TLN1: variants seen among roughly 807,000 people sequenced by gnomAD.
TLN1 encodes talin-1.
In TLN1, 56 loss-of-function variants were observed where a neutral mutation model predicts 292.3. The ratio of observed to expected loss-of-function variants is 0.19; its 90% confidence interval spans 0.15 to 0.24. The LOEUF (loss-of-function observed/expected upper bound fraction) is 0.24, where lower values mean the gene tolerates loss of function less well. Among genes scored for constraint, TLN1 ranks in the 10% least tolerant of loss-of-function variants. The pLI is 1.00. For synonymous variants in TLN1, 1,119 were observed against 1,253.7 expected (o/e 0.89, Z 2.27); for missense variants, 2,433 against 3,248.2 (o/e 0.75, Z 6.10).
rs951788288 is a variant in TLN1, at chr9:35,699,895, A to C, written c.6768+79T>G. ...GGGAGGAGATCTGAGCAAAACAGACAGCAGGGTGCGAGGCCTGCAGGAAGA... is the reference window on the plus strand; with the variant it reads ...GGGAGGAGATCTGAGCAAAACAGACCGCAGGGTGCGAGGCCTGCAGGAAGA... On this transcript the variant is annotated intron_variant, in intron 50 of 56. Transcript: ENST00000314888. The surrounding 1 kb of genome is among the most constrained non-coding windows in gnomAD (Gnocchi z 4.0). 7.1e-7 allele frequency: 1 copy of C among 1,417,614 alleles called. No individual in the cohort carries two copies. Among genetic ancestry groups the C allele is most frequent in the Admixed American group, 2.0e-5 (1 of 49,526 alleles). 87.8% of individuals were successfully genotyped at this position (1,417,614 alleles called of 1,614,324 possible).
In TLN1 at chr9:35,716,546, C is replaced by T. The variant is rs1452351849; in HGVS notation, c.2469G>A (p.Val823=). The T allele has an allele frequency of 6.2e-7, 1 of 1,613,988 alleles. No homozygotes were observed. The highest frequency in any genetic ancestry group is 1.1e-5 in the South Asian group (1 of 91,060). Residue 823 remains valine (V), a synonymous_variant, in exon 20 of 57, where the codon GTG becomes GTA. Coordinates refer to ENST00000314888, the MANE Select transcript of TLN1 (RefSeq NM_006289.4). ...FSSMGDAGEM[V]RQARILAQAT... Reference sequence around the variant, plus strand: ...CTTGGGCCAGGATGCGGGCCTGTCGCACCATCTCCCCTGAGAGCATAGGGC... The same window carrying T: ...CTTGGGCCAGGATGCGGGCCTGTCGTACCATCTCCCCTGAGAGCATAGGGC...
At chr9:35,725,478 C>A in intron 2 of TLN1, 87 bp downstream of exon 2, 2 of 1,572,448 alleles carry the variant, frequency 1.3e-6, no homozygotes, top group Non-Finnish European at 1.7e-6. Flanking sequence ...TCTTAGGGGA[C>A]AAAGGGGTCA....
rs192509639 is a variant in TLN1, at chr9:35,725,591, C to T, written c.104G>A (p.Arg35Gln). 5 of 1,613,498 alleles carry T rather than the reference C, an allele frequency of 3.1e-6. No homozygotes were observed. Among genetic ancestry groups the T allele is most frequent in the South Asian group, 2.2e-5 (2 of 91,052 alleles). ...AGGACCAGCTGGGGCCTCTGGGATCCGCTCACGAATGATGCGGCAGGCGTC... is the reference window on the plus strand; with the variant it reads ...AGGACCAGCTGGGGCCTCTGGGATCTGCTCACGAATGATGCGGCAGGCGTC... ...VYDACRIIRE[R>Q]IPEAPAGPPS... Residue 35 changes from arginine to glutamine, a missense_variant, in exon 2 of 57, where the codon CGG (arginine) becomes CAG (glutamine). Physicochemically the swap from Arg to Gln is conservative, Grantham distance 43 (BLOSUM62 1). Coordinates refer to ENST00000314888, the MANE Select transcript of TLN1 (RefSeq NM_006289.4).
Position 35,707,093 on chromosome 9 carries a change from T to C in TLN1, c.4934A>G (p.Lys1645Arg). 1.2e-6 allele frequency: 2 copies of C among 1,612,702 alleles called. No individual in the cohort carries two copies. Among genetic ancestry groups the C allele is most frequent in the South Asian group, 1.1e-5 (1 of 90,952 alleles). Reference sequence around the variant, plus strand: ...ATACCTCATGCTTGTAATTAGCTTCTTGATGGAGTCTGAGACAGTACGGGA... The same window carrying C: ...ATACCTCATGCTTGTAATTAGCTTCCTGATGGAGTCTGAGACAGTACGGGA... ...GHSRTVSDSI[K>R]KLITSMRDKA... Residue 1645 changes from lysine (K) to arginine (R), a missense_variant, in exon 37 of 57, where the codon AAG becomes AGG. Lys to Arg is a conservative substitution (Grantham distance 26, BLOSUM62 2). Transcript: ENST00000314888. The surrounding 1 kb of genome is among the most constrained non-coding windows in gnomAD (Gnocchi z 5.6).
In TLN1 at chr9:35,717,824, G is replaced by A. The variant is rs1226889722; in HGVS notation, c.1996-38C>T. The stretch of plus-strand genomic sequence containing the variant: ...AGCAGTTAGCATGACCTGAGATTGG[G>A]CTTGGGATTCACAGACACTTCTCAG... On this transcript the variant is annotated intron_variant, in intron 17 of 56. Transcript: ENST00000314888. This position sits in a 1 kb window ranked among gnomAD's most constrained non-coding sequence, Gnocchi z 4.7. 5 of 1,575,746 alleles carry A rather than the reference G, an allele frequency of 3.2e-6. No individual in the cohort carries two copies. In the East Asian group the frequency reaches 9.1e-5, roughly 29 times the overall value.
chr9:35,711,206 C>G (rs765006486), intron 30 of TLN1, 49 bp downstream of exon 30: 1 of 1,611,862 alleles, frequency 6.2e-7, no homozygotes, highest in Non-Finnish European at 8.5e-7. Context: ...TGCCTGCTCC[C>G]CAGTCTCTCT....
chr9:35,700,160 TG>T (rs768271086), intron 49 of TLN1, 30 bp downstream of exon 49: 8 of 1,592,326 alleles, frequency 5.0e-6, no homozygotes, highest in Non-Finnish European at 6.9e-6. Context: ...GGCCCAAAGC[TG>T]CCTCACGGAA....
chr9:35,716,317 T>G, intron 20 of TLN1, 73 bp downstream of exon 20: 5 of 1,551,190 alleles, frequency 3.2e-6, no homozygotes, highest in Non-Finnish European at 4.4e-6. Flanking sequence ...CCTCATCAGA[T>G]GAGGGTGACC....
chr9:35,726,058 G>A lies in TLN1; in HGVS notation c.-33-331C>T, dbSNP rs1012370415. Reference sequence around the variant, plus strand: ...CTCCCCAGTAGCTGGGACTACAGGCGCCCGCTGCCATGCCTGGCTAATTTT... The same window carrying A: ...CTCCCCAGTAGCTGGGACTACAGGCACCCGCTGCCATGCCTGGCTAATTTT... On this transcript the variant is annotated intron_variant, in intron 1 of 56. Coordinates refer to ENST00000314888, the MANE Select transcript of TLN1 (RefSeq NM_006289.4). Among the ~76,000 whole-genome samples, 32 of 152,188 alleles carry A rather than the reference G, an allele frequency of 2.1e-4. 1 individual carries two copies. In the East Asian group the frequency reaches 2.1e-3, roughly 10 times the overall value.
Position 35,698,054 on chromosome 9 carries a change from C to A in TLN1, c.7490G>T (p.Gly2497Val), listed in dbSNP as rs769461396. 1 of 1,614,114 alleles carries A rather than the reference C, an allele frequency of 6.2e-7. No individual in the cohort carries two copies. Among genetic ancestry groups the A allele is most frequent in the Admixed American group, 1.7e-5 (1 of 60,022 alleles). The change falls in exon 56 of 57, where the codon GGC becomes GTC. Residue 2497 changes from glycine (G) to valine (V), a missense_variant. By Grantham distance (109) the Gly-to-Val change is moderately radical. Around this residue, in one of 7 missense-constraint regions of TLN1, gnomAD observed 141 missense variants for 248.5 expected, o/e 0.57. Transcript: ENST00000314888. The surrounding 1 kb of genome is among the most constrained non-coding windows in gnomAD (Gnocchi z 5.3). ...TGGGGTGAAGCTCACCTGGGCAATG[C>A]CGCCAACCATCTTCTCTTTCACCAC... Reference protein sequence around the residue: ...TVVVKEKMVGGIAQIIAAQEE... With the variant: ...TVVVKEKMVGVIAQIIAAQEE...
Position 35,705,576 on chromosome 9 carries a change from G to A in TLN1, c.5708C>T (p.Ala1903Val), listed in dbSNP as rs762726209. Residue 1903 changes from alanine (A) to valine (V), a missense_variant, in exon 43 of 57, where the codon GCA becomes GTA. Ala to Val is a moderately conservative substitution (Grantham distance 64, BLOSUM62 0). Transcript: ENST00000314888. Reference protein sequence around the residue: ...YGRLASEAKPAAVAAENEEIG... With the variant: ...YGRLASEAKPVAVAAENEEIG... ...CTCTTCATTTTCAGCAGCCACCGCT[G>A]CAGGCTTGGCCTCCGAGGCCAGACG... is the stretch of plus-strand genomic sequence containing the variant. 6 of 1,601,162 alleles carry A rather than the reference G, an allele frequency of 3.7e-6. No homozygotes were observed. Among genetic ancestry groups the A allele is most frequent in the Non-Finnish European group, 5.1e-6 (6 of 1,171,226 alleles).
chr9:35,708,013 C>CA, intron 34 of TLN1, 121 bp from the exon 35 acceptor site: 1 of 1,185,666 alleles, frequency 8.4e-7, no homozygotes. Context: ...ACAGGAATAA[C>CA]AGAGTCACCT....
intron 10 of TLN1, 48 bp downstream of exon 10, chr9:35,721,600 T>C: frequency 6.3e-7 from 1 of 1,590,962 alleles, no homozygotes; most frequent in Non-Finnish European, 8.6e-7. Context: ...CAGCTGCCCC[T>C]TTAATGAAAC....
chr9:35,711,538 GCCT>G (rs1825667739), intron 29 of TLN1, 54 bp downstream of exon 29: 1 of 1,610,654 alleles, frequency 6.2e-7, no homozygotes, highest in African/African-American at 1.3e-5. Context: ...TCACTCAACT[GCCT>G]CCTATCTAAC....
chr9:35,722,784 A>T lies in TLN1; in HGVS notation c.843+77T>A, dbSNP rs182657935. 8 of 1,461,088 alleles carry T rather than the reference A, an allele frequency of 5.5e-6. No individual in the cohort carries two copies. The East Asian group carries it at 1.8e-4, about 33-fold the overall frequency. 90.5% of individuals were successfully genotyped at this position (1,461,088 alleles called of 1,614,324 possible). A position where few individuals can be genotyped will look rare whatever the true frequency, so the allele number is the denominator to read the frequency against. Reference sequence around the variant, plus strand: ...AAGTTAGGGGAGACGGGGAGGAGGCAGGGGGCCATTTAGTCAGTAAGATTA... The same window carrying T: ...AAGTTAGGGGAGACGGGGAGGAGGCTGGGGGCCATTTAGTCAGTAAGATTA... On this transcript the variant is annotated intron_variant, in intron 8 of 56. Transcript: ENST00000314888.
At position 35,714,388 on chromosome 9, in the gene TLN1, G is replaced by C. The variant is rs771587166; in HGVS notation, c.2986-15C>G. 91 of 1,602,456 alleles carry C rather than the reference G, an allele frequency of 5.7e-5. No homozygotes were observed. The highest frequency in any genetic ancestry group is 7.2e-5 in the Non-Finnish European group (85 of 1,174,494). ...TTCCCACCTGGCTGTTGGGGAATAG[G>C]CAGGTGGATGAAGTGTGCCATCCTC... On this transcript the variant is annotated splice_polypyrimidine_tract_variant and intron_variant, in intron 23 of 56. Coordinates refer to ENST00000314888, the MANE Select transcript of TLN1 (RefSeq NM_006289.4). This position sits in a 1 kb window ranked among gnomAD's most constrained non-coding sequence, Gnocchi z 4.6.
Position 35,719,841 on chromosome 9 carries a change from G to C in TLN1, c.1477C>G (p.Gln493Glu). 1 of 1,586,830 alleles carries C rather than the reference G, an allele frequency of 6.3e-7. No homozygotes were observed. The highest frequency in any genetic ancestry group is 8.6e-7 in the Non-Finnish European group (1 of 1,165,990). Residue 493 changes from glutamine to glutamate, a missense_variant, in exon 14 of 57, where the codon CAG becomes GAG. Gln to Glu is a conservative substitution (Grantham distance 29, BLOSUM62 2). This residue lies in a region of TLN1 where 617 missense variants were observed against 770.6 expected (regional missense o/e 0.80). Coordinates refer to ENST00000314888, the MANE Select transcript of TLN1 (RefSeq NM_006289.4). The surrounding 1 kb of genome is among the most constrained non-coding windows in gnomAD (Gnocchi z 4.6). ...GAGTTAATGGTTCCAGTGAGTGCCT[G>C]CTGGGCTGAAGTCTAAAGACAAGTG... ...GHMPPLTSAQ[Q>E]ALTGTINSSM... is the part of the protein sequence containing the mutation.
chr9:35,703,886 G>A lies in TLN1; in HGVS notation c.6246C>T (p.Asn2082=), dbSNP rs11541906. Residue 2082 remains asparagine (N), a synonymous_variant, in exon 47 of 57, where the codon AAC becomes AAT. Transcript: ENST00000314888. ...GGGCTTTGGCTACATCTTTCACTGC[G>A]TTGATTAGTACCACCTGTGTGGGAA... ...EDPETQVVLI[N]AVKDVAKALG... 2.7e-5 allele frequency: 43 copies of A among 1,614,056 alleles called. No individual in the cohort carries two copies. The highest frequency in any genetic ancestry group is 1.8e-4 in the Admixed American group (11 of 60,006).
rs1482144654 is a variant in TLN1, at chr9:35,719,921, C to A, written c.1465-68G>T. 1.9e-6 allele frequency: 3 copies of A among 1,576,526 alleles called. No homozygotes were observed. Among genetic ancestry groups the A allele is most frequent in the Non-Finnish European group, 2.6e-6 (3 of 1,157,652 alleles). ...GGAGAAAAGAGAAGGTAAAAGAGAA[C>A]CAGGGTCTAGGGAGAGAATACAAAT... On this transcript the variant is annotated intron_variant, in intron 13 of 56. Transcript: ENST00000314888. This position sits in a 1 kb window ranked among gnomAD's most constrained non-coding sequence, Gnocchi z 4.6.
Sources: allele counts gnomAD v4.1 joint callset (sites outside exome capture counted in the v4.1 genomes callset), GRCh38; gene constraint gnomAD v4.1.1; regional missense constraint gnomAD v4.1.1; non-coding constraint Gnocchi (gnomAD v3.1); transcripts MANE v1.5; gene names NCBI Gene and HGNC (gene_info 2026-07-23, HGNC 2026-07-21).